RFT1: variants seen among roughly 807,000 people sequenced by gnomAD.
RFT1 encodes man(5)GlcNAc(2)-PP-dolichol translocation protein RFT1.
RFT1 carries 43 observed loss-of-function variants against 62.2 expected under a neutral mutation model. The ratio of observed to expected loss-of-function variants is 0.69; its 90% CI spans 0.54 to 0.89. The LOEUF is 0.89. RFT1 is among the 40% of genes least tolerant of loss of function. The pLI, the probability that RFT1 is intolerant of heterozygous loss-of-function variation, is 0.00. For missense variants in RFT1, 605 were observed against 649.9 expected (o/e 0.93, Z 0.75); for synonymous variants, 262 against 264.6 (o/e 0.99, Z 0.10).
the RFT1 span, among the ~76,000 whole-genome samples, chr3:53,080,199 G>A: frequency 6.6e-6 from 1 of 152,214 alleles, no homozygotes; most frequent in Non-Finnish European, 1.5e-5. Context: ...TGAAATTGGT[G>A]GAAATCATTT....
At chr3:53,107,148 T>C (rs981476825) in intron 7 of RFT1, among the ~76,000 whole-genome samples, 2 of 151,674 alleles carry the variant, frequency 1.3e-5, no homozygotes, top group Non-Finnish European at 2.9e-5. Context: ...TTTTTTTTTT[T>C]TTTTTGAGAC....
downstream of RFT1, among the ~76,000 whole-genome samples, chr3:53,085,307 T>C (rs1700832917): frequency 6.6e-6 from 1 of 152,110 alleles, no homozygotes; most frequent in Non-Finnish European, 1.5e-5. Flanking sequence ...CCTGCCAGCC[T>C]CACAGTGAGG....
intron 5 of RFT1, 65 bp downstream of exon 5, chr3:53,121,620 CACACGGCGGTGGGA>C: frequency 3.5e-6 from 4 of 1,155,774 alleles, no homozygotes; most frequent in Non-Finnish European, 5.1e-6. Flanking sequence ...GAATGCAGAC[CACACGGCGGTGGGA>C]ACAAGAAGAA....
intron 3 of RFT1, 104 bp downstream of exon 3, chr3:53,123,620 T>C (rs1702028397): frequency 1.1e-6 from 1 of 907,082 alleles, no homozygotes; most frequent in Non-Finnish European, 1.8e-6. Flanking sequence ...ATGACGAAAC[T>C]GAATCTGGGG....
chr3:53,105,415 GCCC>G (rs369150776), intron 9 of RFT1, among the ~76,000 whole-genome samples: 59 of 10,070 alleles, frequency 5.9e-3, no homozygotes, highest in Middle Eastern at 0.071. Flanking sequence ...CTCTATCCCC[GCCC>G]CCCCCCCCAA....
intron 6 of RFT1, among the ~76,000 whole-genome samples, chr3:53,113,968 A>T (rs1701722188): frequency 6.6e-6 from 1 of 152,230 alleles, no homozygotes; most frequent in Non-Finnish European, 1.5e-5. Flanking sequence ...GGAATCAGAG[A>T]ACCTAGAGCA....
chr3:53,103,570 C>T (rs1413447712), intron 10 of RFT1: 2 of 249,966 alleles, frequency 8.0e-6, no homozygotes, highest in Non-Finnish European at 1.6e-5. Context: ...GTGGCATTTA[C>T]TATCTTCAGA....
intron 6 of RFT1, 71 bp from the exon 7 acceptor site, chr3:53,111,979 G>A: frequency 3.3e-6 from 4 of 1,197,822 alleles, no homozygotes; most frequent in Non-Finnish European, 4.9e-6. Context: ...TGCTACATGA[G>A]AGGCAAATGC....
chr3:53,070,559 A>C, the RFT1 span, among the ~76,000 whole-genome samples: 1 of 151,106 alleles, frequency 6.6e-6, no homozygotes, highest in African/African-American at 2.4e-5. Context: ...CCGCCACCAC[A>C]CCCAGCTAAT....
the RFT1 span, among the ~76,000 whole-genome samples, chr3:53,067,240 T>C: frequency 2.6e-5 from 4 of 152,206 alleles, no homozygotes; most frequent in South Asian, 6.2e-4. Flanking sequence ...CAGCTACAAC[T>C]TGGGAGGCTG....
chr3:53,093,490 C>T (rs1453221926), intron 11 of RFT1, among the ~76,000 whole-genome samples: 1 of 152,174 alleles, frequency 6.6e-6, no homozygotes, highest in African/African-American at 2.4e-5. Flanking sequence ...CCGCCTAGCA[C>T]CAAGCAGGCA....
intron 5 of RFT1, among the ~76,000 whole-genome samples, chr3:53,120,463 G>C (rs575533312): frequency 6.6e-6 from 1 of 152,306 alleles, no homozygotes; most frequent in East Asian, 1.9e-4. Context: ...CCGGAAACCT[G>C]TGCCATTAAT....
Position 53,091,836 on chromosome 3 carries a change from A to T in RFT1, c.*67T>A. 6.4e-7 allele frequency: 1 copy of T among 1,553,312 alleles called. No individual in the cohort carries two copies. The highest frequency in any genetic ancestry group is 8.9e-7 in the Non-Finnish European group (1 of 1,126,668). On this transcript the variant is annotated 3_prime_UTR_variant, in exon 13 of 13. Transcript: ENST00000296292. ...GCCCTCAGTGGGGCTCTTACACAGA[A>T]TGTGTTCCACCCACAGAACTACCCA... is the stretch of plus-strand genomic sequence containing the variant.
At chr3:53,109,741 G>C (rs80109261) in intron 7 of RFT1, among the ~76,000 whole-genome samples, 3 of 151,992 alleles carry the variant, frequency 2.0e-5, no homozygotes, top group African/African-American at 7.3e-5. Flanking sequence ...ACTTGAGCCC[G>C]AGAGGTCAAG....
At chr3:53,124,204 C>T (rs1702048228) in intron 2 of RFT1, among the ~76,000 whole-genome samples, 2 of 152,266 alleles carry the variant, frequency 1.3e-5, no homozygotes, top group African/African-American at 4.8e-5. Context: ...CACGAGTGAC[C>T]GATGGCCCCT....
intron 10 of RFT1, chr3:53,103,115 A>C: frequency 6.1e-6 from 6 of 985,390 alleles, no homozygotes; most frequent in Non-Finnish European, 7.2e-6. Flanking sequence ...TGGTATAGAA[A>C]CCTGGCCCTT....
At position 53,089,974 on chromosome 3, in the gene RFT1, C is replaced by T. The variant is rs1263311272; in HGVS notation, c.*1929G>A. ...TGGAGCAGAGAACAGGCACTGTGAG[C>T]ATGAGCATGATGGTCCTGGGCCTGT... On this transcript the variant is annotated 3_prime_UTR_variant, in exon 13 of 13. Coordinates refer to ENST00000296292, the MANE Select transcript of RFT1 (RefSeq NM_052859.4). 1 of 152,702 alleles carries T rather than the reference C, an allele frequency of 6.5e-6. No homozygotes were observed. The highest frequency in any genetic ancestry group is 1.5e-5 in the Non-Finnish European group (1 of 68,102). 9.5% of individuals were successfully genotyped at this position (152,702 alleles called of 1,614,324 possible).
In RFT1 at chr3:53,123,883, CAT is replaced by C. The variant is rs375132261; in HGVS notation, c.150-45_150-44del. On this transcript the variant is annotated intron_variant, in intron 2 of 12. Transcript: ENST00000296292. ...AAATCAATAAGGTCTCAAGTTTTTT[CAT>C]AGAGAGAACTTCTGGGATTTTTCCA... 553 of 1,498,398 alleles carry C rather than the reference CAT, an allele frequency of 3.7e-4. 3 individuals carry two copies. The East Asian group carries it at 7.6e-3, about 21-fold the overall frequency. The allele number at this position is 1,498,398 out of a possible 1,614,324, so 92.8% of individuals were successfully genotyped here.
chr3:53,073,129 G>A, the RFT1 span, among the ~76,000 whole-genome samples: 6 of 152,312 alleles, frequency 3.9e-5, no homozygotes, highest in African/African-American at 7.2e-5. Flanking sequence ...GAGGCCTGAC[G>A]GTGTCCAGGT....
Sources: gnomAD v4.1 joint callset for allele counts (sites outside exome capture counted in the v4.1 genomes callset) on GRCh38, gnomAD v4.1.1 for gene constraint, MANE v1.5 for transcripts, NCBI Gene and HGNC (gene_info 2026-07-23, HGNC 2026-07-21) for gene names.